The following MROH6 variants were observed in gnomAD, a reference collection of about 807,000 sequenced individuals.
MROH6 encodes maestro heat like repeat family member 6.
In MROH6, 62 loss-of-function variants were observed where a neutral mutation model predicts 67.7. That is an observed-to-expected ratio of 0.92 (90% CI 0.75 to 1.13). MROH6 has a LOEUF of 1.13. Ranked by LOEUF, MROH6 falls within the 50% of genes most tolerant of loss-of-function variation. The probability of loss-of-function intolerance (pLI) is 0.00; values close to 1 mark genes in which losing one functional copy is unlikely to be tolerated. For synonymous variants in MROH6, 566 were observed against 470.8 expected (o/e 1.20, Z -2.62); for missense variants, 1,175 against 1,029.1 (o/e 1.14, Z -1.94).
chr8:143,572,203 G>A lies in MROH6; in HGVS notation c.295-18C>T. On this transcript the variant is annotated intron_variant, in intron 1 of 13. Transcript: ENST00000398882. ...TGGGGAACCTAGGGCAGGATGGGTG[G>A]GGCGTCTGAAGTGCCCAAACCTCTC... The A allele has an allele frequency of 6.2e-7, 1 of 1,611,398 alleles. No individual in the cohort carries two copies. The highest frequency in any genetic ancestry group is 8.5e-7 in the Non-Finnish European group (1 of 1,179,036).
Position 143,567,133 on chromosome 8 carries a change from C to T in MROH6, c.*106G>A, listed in dbSNP as rs1279356757. ...GGTGGGGGGTGGGGGAGGGCATTGGCGTCCAGCACCAGGCCCAGGGAGCCC... is the reference window on the plus strand; with the variant it reads ...GGTGGGGGGTGGGGGAGGGCATTGGTGTCCAGCACCAGGCCCAGGGAGCCC... On this transcript the variant is annotated 3_prime_UTR_variant, in exon 14 of 14. Coordinates refer to ENST00000398882, the MANE Select transcript of MROH6 (RefSeq NM_001100878.2). 3.2e-5 allele frequency: 17 copies of T among 538,574 alleles called. No individual in the cohort carries two copies. The highest frequency in any genetic ancestry group is 3.1e-4 in the East Asian group (8 of 25,436). The allele number at this position is 538,574 out of a possible 1,614,324, so 33.4% of individuals were successfully genotyped here.
intron 3 of MROH6, 29 bp downstream of exon 3, chr8:143,571,638 G>A: frequency 6.4e-7 from 1 of 1,555,190 alleles, no homozygotes; most frequent in Middle Eastern, 1.7e-4. Flanking sequence ...AGCCGCGTGG[G>A]GACCGCAGGG....
rs751997205 is a variant in MROH6, at chr8:143,569,698, TTCCTGCGA to T, written c.1293_1300del (p.Asn431LysfsTer108). On this transcript the variant is annotated frameshift_variant and splice_region_variant, in exon 8 of 14. Transcript: ENST00000398882. LOFTEE classifies it high-confidence loss of function. ...TCCACCCCTCCCCTTCTCTCACACC[TTCCTGCGA>T]TTCAGCGCGAGGTGGCCCAGGCCCA... 6.2e-7 allele frequency: 1 copy of T among 1,612,764 alleles called. No homozygotes were observed. Among genetic ancestry groups the T allele is most frequent in the South Asian group, 1.1e-5 (1 of 91,064 alleles).
In MROH6 at chr8:143,572,435, C is replaced by T; in HGVS notation, c.280G>A (p.Glu94Lys). Residue 94 changes from glutamate to lysine, a missense_variant, in exon 1 of 14, where the codon GAG becomes AAG. Glu to Lys is a moderately conservative substitution (Grantham distance 56). Coordinates refer to ENST00000398882, the MANE Select transcript of MROH6 (RefSeq NM_001100878.2). Reference protein sequence around the residue: ...SLNSALEPAPEGPHQVPQSSW... With the variant: ...SLNSALEPAPKGPHQVPQSSW... ...TCCCCCGTCACCTGGTGGGGCCCCT[C>T]AGGGGCTGGTTCCAGGGCACTGTTG... 1 of 1,583,848 alleles carries T rather than the reference C, an allele frequency of 6.3e-7. No homozygotes were observed. Among genetic ancestry groups the T allele is most frequent in the African/African-American group, 1.3e-5 (1 of 74,716 alleles).
At chr8:143,567,923 G>A in intron 11 of MROH6, 35 bp from the exon 12 acceptor site, 4 of 1,505,918 alleles carry the variant, frequency 2.7e-6, no homozygotes, top group Non-Finnish European at 3.6e-6. Flanking sequence ...GGACAGGAGG[G>A]CTGATCCTGA....
At position 143,570,818 on chromosome 8, in the gene MROH6, C is replaced by T. The variant is rs1342302777; in HGVS notation, c.720+59G>A. On this transcript the variant is annotated intron_variant, in intron 4 of 13. Transcript: ENST00000398882. ...GCAAACTCCCTATGCCCATCCTCCC[C>T]GCTCCTCGCCACCCCCCACCCCCGC... is the stretch of plus-strand genomic sequence containing the variant. 6.4e-5 allele frequency: 91 copies of T among 1,413,458 alleles called. No individual in the cohort carries two copies. The East Asian group carries it at 1.8e-3, about 29-fold the overall frequency. 87.6% of individuals were successfully genotyped at this position (1,413,458 alleles called of 1,614,324 possible).
At position 143,567,783 on chromosome 8, in the gene MROH6, C is replaced by T; in HGVS notation, c.1867+3G>A. 6.4e-7 allele frequency: 1 copy of T among 1,554,318 alleles called. No individual in the cohort carries two copies. The highest frequency in any genetic ancestry group is 1.2e-5 in the South Asian group (1 of 83,276). On this transcript the variant is annotated splice_donor_region_variant and intron_variant, in intron 12 of 13. Coordinates refer to ENST00000398882, the MANE Select transcript of MROH6 (RefSeq NM_001100878.2). ...GGGGCAGTGTGACCCCGGGCGGCCT[C>T]ACCTATAAGCACGGCGGCTGCCCGG...
chr8:143,569,683 C>G lies in MROH6; in HGVS notation c.1302+14G>C, dbSNP rs547691792. 8 of 1,611,546 alleles carry G rather than the reference C, an allele frequency of 5.0e-6. No homozygotes were observed. In the Admixed American group the frequency reaches 8.3e-5, roughly 17 times the overall value. On this transcript the variant is annotated intron_variant, in intron 8 of 13. Transcript: ENST00000398882. ...CGGGCCAAGCCCCTCTCCACCCCTCCCCTTCTCTCACACCTTCCTGCGATT... is the reference window on the plus strand; with the variant it reads ...CGGGCCAAGCCCCTCTCCACCCCTCGCCTTCTCTCACACCTTCCTGCGATT...
At chr8:143,568,031 G>A in intron 11 of MROH6, 111 bp downstream of exon 11, 1 of 1,480,524 alleles carries the variant, frequency 6.8e-7, no homozygotes, top group Non-Finnish European at 9.1e-7. Flanking sequence ...TGCCCCACCA[G>A]TAGCCTATCT....
At chr8:143,568,107 T>C (rs755728780) in intron 11 of MROH6, 35 bp downstream of exon 11, 2 of 1,568,578 alleles carry the variant, frequency 1.3e-6, no homozygotes, top group Admixed American at 1.9e-5. Flanking sequence ...CTGCTGATCA[T>C]ACCCCCTTGC....
At position 143,569,519 on chromosome 8, in the gene MROH6, C is replaced by T. The variant is rs1823869595; in HGVS notation, c.1398G>A (p.Arg466=). ...CAGGCGCCCGGGGCCGCAGCAGGAG[C>T]CTCCTCAGGGCGCCCAGCGCTGCAC... The part of the protein sequence containing the change: ...LVGAALGALR[R]LLLRPRAPVR... The change falls in exon 9 of 14, where the codon AGG becomes AGA. Residue 466 remains arginine, a synonymous_variant. Transcript: ENST00000398882. 2.0e-6 allele frequency: 3 copies of T among 1,500,704 alleles called. No homozygotes were observed. Among genetic ancestry groups the T allele is most frequent in the African/African-American group, 2.9e-5 (2 of 69,150 alleles). The allele number at this position is 1,500,704 out of a possible 1,614,324, so 93.0% of individuals were successfully genotyped here.
Position 143,569,948 on chromosome 8 carries a change from C to T in MROH6, c.1158+3G>A, listed in dbSNP as rs755701452. ...TCACCACCCATCCGGGAAGCAGGCT[C>T]ACCCCTGTGAAGAAGGCCATAGCCG... On this transcript the variant is annotated splice_donor_region_variant and intron_variant, in intron 7 of 13. Coordinates refer to ENST00000398882, the MANE Select transcript of MROH6 (RefSeq NM_001100878.2). 8.7e-6 allele frequency: 14 copies of T among 1,612,514 alleles called. No individual in the cohort carries two copies. The African/African-American group carries it at 1.7e-4, about 20-fold the overall frequency.
chr8:143,567,562 C>A, intron 13 of MROH6, 49 bp downstream of exon 13: 1 of 1,526,374 alleles, frequency 6.6e-7, no homozygotes, highest in Non-Finnish European at 8.8e-7. Context: ...TCCGCCCTAG[C>A]ACCAGCCACG....
Position 143,572,404 on chromosome 8 carries a change from C to A in MROH6, c.294+17G>T. Reference sequence around the variant, plus strand: ...CCCCAGGCCGGTTCGCACAACATCCCTTCCCTCCCCCGTCACCTGGTGGGG... The same window carrying A: ...CCCCAGGCCGGTTCGCACAACATCCATTCCCTCCCCCGTCACCTGGTGGGG... On this transcript the variant is annotated intron_variant, in intron 1 of 13. Transcript: ENST00000398882. 1 of 1,543,514 alleles carries A rather than the reference C, an allele frequency of 6.5e-7. No individual in the cohort carries two copies.
chr8:143,568,501 G>A, intron 10 of MROH6, 51 bp downstream of exon 10: 1 of 1,474,160 alleles, frequency 6.8e-7, no homozygotes, highest in South Asian at 1.3e-5. Context: ...CACGGTGGGA[G>A]TGGTGAGTGT....
At position 143,567,374 on chromosome 8, in the gene MROH6, CCGGGCA is replaced by C; in HGVS notation, c.2019_2024del (p.Ala674_Arg675del). 8.1e-7 allele frequency: 1 copy of C among 1,235,298 alleles called. No homozygotes were observed. Among genetic ancestry groups the C allele is most frequent in the Non-Finnish European group, 1.0e-6 (1 of 989,096 alleles). The allele number at this position is 1,235,298 out of a possible 1,614,324, so 76.5% of individuals were successfully genotyped here. ...GAAGGCGGGGCCCGCGGGGGCAGCC[CCGGGCA>C]CGGGCCAGCATCGCCACCTGCTGAG... On this transcript the variant is annotated inframe_deletion, in exon 14 of 14. Transcript: ENST00000398882.
In MROH6 at chr8:143,568,208, C is replaced by T. The variant is rs1823745998; in HGVS notation, c.1698G>A (p.Leu566=). The T allele has an allele frequency of 6.2e-7, 1 of 1,611,064 alleles. No homozygotes were observed. The highest frequency in any genetic ancestry group is 1.1e-5 in the South Asian group (1 of 90,638). The part of the protein sequence containing the change: ...RCDHAFCWGL[L]EELVTVAHYD... ...AGTGGGCCACGGTGACCAACTCCTC[C>T]AGCAGGCCCCAGCAAAAGGCGTGGT... Residue 566 remains leucine (L), a synonymous_variant, in exon 11 of 14, where the codon CTG becomes CTA. Transcript: ENST00000398882.
chr8:143,567,363 C>CG lies in MROH6; in HGVS notation c.2035dup (p.Arg679ProfsTer61). On this transcript the variant is annotated frameshift_variant, in exon 14 of 14. Transcript: ENST00000398882. LOFTEE classifies it low-confidence loss of function (END_TRUNC). ...GGCGATGCGGAGAAGGCGGGGCCCG[C>CG]GGGGGCAGCCCCGGGCACGGGCCAG... 2.5e-6 allele frequency: 3 copies of CG among 1,222,236 alleles called. No individual in the cohort carries two copies. The highest frequency in any genetic ancestry group is 3.1e-6 in the Non-Finnish European group (3 of 980,838). The allele number at this position is 1,222,236 out of a possible 1,614,324, so 75.7% of individuals were successfully genotyped here. A position where few individuals can be genotyped will look rare whatever the true frequency, so the allele number is the denominator to read the frequency against.
rs1240848388 is a variant in MROH6 at position 143,568,241 on chromosome 8, G to A, written c.1665C>T (p.Ala555=). 1.9e-6 allele frequency: 3 copies of A among 1,610,112 alleles called. No individual in the cohort carries two copies. The highest frequency in any genetic ancestry group is 2.2e-5 in the East Asian group (1 of 44,806). The change falls in exon 11 of 14, where the codon GCC becomes GCT. Residue 555 remains alanine (A), a synonymous_variant. Coordinates refer to ENST00000398882, the MANE Select transcript of MROH6 (RefSeq NM_001100878.2). Reference sequence around the variant, plus strand: ...CCCAGCAAAAGGCGTGGTCACAGCGGGCCAGGGTCCACTCTGAGCTCTGGG... The same window carrying A: ...CCCAGCAAAAGGCGTGGTCACAGCGAGCCAGGGTCCACTCTGAGCTCTGGG... ...DAAESSEWTL[A]RCDHAFCWGL...
Sources: gnomAD v4.1 joint callset for allele counts on GRCh38, gnomAD v4.1.1 for gene constraint, MANE v1.5 for transcripts, NCBI Gene and HGNC (gene_info 2026-07-23, HGNC 2026-07-21) for gene names.